Variants in STXBP5 observed in about 807,000 individuals in gnomAD.
STXBP5 encodes the protein syntaxin binding protein 5.
STXBP5 carries 50 observed loss-of-function variants against 152.4 expected under a neutral mutation model. The observed-to-expected ratio is 0.33, with a 90% CI of 0.26 to 0.42. The LOEUF is 0.42. Ranked by LOEUF, STXBP5 falls within the 10% of genes least tolerant of loss-of-function variation. The pLI, the probability that STXBP5 is intolerant of heterozygous loss-of-function variation, is 1.00. For missense variants in STXBP5, 1,167 were observed against 1,388.6 expected, an observed-to-expected ratio of 0.84 and a Z score of 2.54; for synonymous variants, 492 against 494.7, an observed-to-expected ratio of 0.99 and a Z score of 0.07.
At chr6:147,247,883 G>A (rs557599189) in intron 4 of STXBP5, among the ~76,000 whole-genome samples, 13 of 152,226 alleles carry the variant, frequency 8.5e-5, no homozygotes, top group Admixed American at 2.0e-4. Flanking sequence ...TTCCAAAAGG[G>A]CCTTACAATG....
At chr6:147,344,865 G>C (rs1784252545) in intron 21 of STXBP5, among the ~76,000 whole-genome samples, 1 of 152,160 alleles carries the variant, frequency 6.6e-6, no homozygotes, top group African/African-American at 2.4e-5. Context: ...GTTGCAAAGA[G>C]TTTAATTATG....
chr6:147,344,221 G>A (rs905635948), intron 21 of STXBP5, among the ~76,000 whole-genome samples: 1 of 151,994 alleles, frequency 6.6e-6, no homozygotes, highest in Admixed American at 6.6e-5. Flanking sequence ...TCATATTCCT[G>A]TACTTACTGT....
At chr6:147,345,457 A>G (rs531950991) in intron 21 of STXBP5, among the ~76,000 whole-genome samples, 2 of 152,264 alleles carry the variant, frequency 1.3e-5, no homozygotes, top group East Asian at 1.9e-4. Context: ...TTCCTTTACT[A>G]TCTCAGTTGT....
chr6:147,271,693 G>A (rs1047158778), intron 7 of STXBP5, among the ~76,000 whole-genome samples: 14 of 152,102 alleles, frequency 9.2e-5, no homozygotes, highest in Non-Finnish European at 1.2e-4. Context: ...GGTTTCAAGC[G>A]AGTGGCCTCA....
chr6:147,254,588 A>G (rs1196726227), intron 4 of STXBP5, among the ~76,000 whole-genome samples: 4 of 152,176 alleles, frequency 2.6e-5, no homozygotes, highest in Non-Finnish European at 4.4e-5. Context: ...AACTTAAACA[A>G]ATTTACAAGA....
intron 7 of STXBP5, among the ~76,000 whole-genome samples, chr6:147,269,391 A>G (rs1780046060): frequency 6.6e-6 from 1 of 152,218 alleles, no homozygotes. Context: ...ACGTAACTAC[A>G]TCCTAGGAAA....
intron 2 of STXBP5, among the ~76,000 whole-genome samples, chr6:147,234,188 A>G (rs1250785124): frequency 6.6e-6 from 1 of 151,846 alleles, no homozygotes; most frequent in Non-Finnish European, 1.5e-5. Flanking sequence ...AATTTTATTA[A>G]ATCCCACCAA....
In STXBP5 at chr6:147,352,174, G is replaced by A. The variant is rs1034868495; in HGVS notation, c.2255-1149G>A. Among the ~76,000 whole-genome samples the A allele has an allele frequency of 1.1e-4, 17 of 152,282 alleles. No homozygotes were observed. In the East Asian group the frequency reaches 3.1e-3, roughly 28 times the overall value. ...AAAATGACTGTGGTTTGCATCTTAT[G>A]TAAATACCGTAGTTTTAGATTATGC... On this transcript the variant is annotated intron_variant, in intron 21 of 27. Coordinates refer to ENST00000321680, the MANE Select transcript of STXBP5 (RefSeq NM_001127715.4).
intron 26 of STXBP5, among the ~76,000 whole-genome samples, chr6:147,375,163 A>G (rs913821678): frequency 3.3e-5 from 5 of 152,206 alleles, no homozygotes; most frequent in African/African-American, 1.2e-4. Context: ...ATAACCAGGA[A>G]CATTAGGAAT....
intron 23 of STXBP5, among the ~76,000 whole-genome samples, chr6:147,359,617 C>T (rs1038412099): frequency 8.4e-6 from 1 of 118,682 alleles, no homozygotes; most frequent in Non-Finnish European, 1.7e-5. Flanking sequence ...CCCCTCCCCC[C>T]ACCCCACAAC....
intron 2 of STXBP5, among the ~76,000 whole-genome samples, chr6:147,231,192 G>GT (rs375656750): frequency 8.0e-5 from 12 of 150,656 alleles, no homozygotes; most frequent in South Asian, 2.1e-4. Flanking sequence ...GTTTTATCAT[G>GT]TTTTTTTTTC....
intron 3 of STXBP5, among the ~76,000 whole-genome samples, chr6:147,236,749 A>G (rs1407356694): frequency 2.0e-5 from 3 of 151,068 alleles, no homozygotes; most frequent in Non-Finnish European, 4.4e-5. Context: ...GCTCACCCTC[A>G]GTCCCTGGCA....
Position 147,239,158 on chromosome 6 carries a change from T to A in STXBP5, c.331-12T>A, listed in dbSNP as rs769782291. On this transcript the variant is annotated splice_polypyrimidine_tract_variant and intron_variant, in intron 3 of 27. Coordinates refer to ENST00000321680, the MANE Select transcript of STXBP5 (RefSeq NM_001127715.4). ...ATATTATACATGAAATGTGTTATAC[T>A]TGATTTTTAAGGGAGCGCTTGTGAG... The A allele has an allele frequency of 4.3e-6, 7 of 1,609,680 alleles. No homozygotes were observed. The highest frequency in any genetic ancestry group is 8.5e-7 in the Non-Finnish European group (1 of 1,177,526).
intron 23 of STXBP5, among the ~76,000 whole-genome samples, chr6:147,360,728 A>G (rs1785027411): frequency 6.6e-6 from 1 of 152,338 alleles, no homozygotes; most frequent in East Asian, 1.9e-4. Flanking sequence ...TTTAAAAAAT[A>G]GTACTAGACT....
chr6:147,339,123 C>G, intron 19 of STXBP5, 56 bp from the exon 20 acceptor site: 1 of 1,378,656 alleles, frequency 7.3e-7, no homozygotes, highest in Non-Finnish European at 9.8e-7. Context: ...CTTGTTACAG[C>G]TCAGTATTTA....
At chr6:147,326,157 GTCT>G (rs919747274) in intron 17 of STXBP5, among the ~76,000 whole-genome samples, 1 of 152,252 alleles carries the variant, frequency 6.6e-6, no homozygotes, top group Admixed American at 6.5e-5. Context: ...GTCTGAGATA[GTCT>G]TCTTTCATAT....
Position 147,310,080 on chromosome 6 carries a change from C to G in STXBP5, c.918-4C>G. The G allele has an allele frequency of 6.6e-7, 1 of 1,516,590 alleles. No homozygotes were observed. The highest frequency in any genetic ancestry group is 8.8e-7 in the Non-Finnish European group (1 of 1,135,426). The allele number at this position is 1,516,590 out of a possible 1,614,324, so 93.9% of individuals were successfully genotyped here. A position where few individuals can be genotyped will look rare whatever the true frequency, so the allele number is the denominator to read the frequency against. On this transcript the variant is annotated splice_polypyrimidine_tract_variant and splice_region_variant and intron_variant, in intron 9 of 27. Coordinates refer to ENST00000321680, the MANE Select transcript of STXBP5 (RefSeq NM_001127715.4). ...AATAATCTTAATATGTATTTTATTTCCAGGGAGCCTTTTATTATTTTATCA... is the reference window on the plus strand; with the variant it reads ...AATAATCTTAATATGTATTTTATTTGCAGGGAGCCTTTTATTATTTTATCA...
intron 8 of STXBP5, among the ~76,000 whole-genome samples, chr6:147,280,655 G>A (rs1780659094): frequency 6.6e-6 from 1 of 152,022 alleles, no homozygotes; most frequent in Non-Finnish European, 1.5e-5. Context: ...TTGTCTAGCT[G>A]GTCTTAATCT....
Position 147,301,968 on chromosome 6 carries a change from A to T in STXBP5, c.918-8116A>T, listed in dbSNP as rs184314221. On this transcript the variant is annotated intron_variant, in intron 9 of 27. Transcript: ENST00000321680. ...TGTTATAATCCCGTATTGCCAGAAA[A>T]TTATGTCTACTAGATTGATAACTCT... Among the ~76,000 whole-genome samples the T allele has an allele frequency of 6.8e-4, 104 of 152,260 alleles. 1 individual carries two copies. The highest frequency in any genetic ancestry group is 6.8e-3 in the Middle Eastern group (2 of 294).
Sources: allele counts gnomAD v4.1 joint callset (sites outside exome capture counted in the v4.1 genomes callset), GRCh38; gene constraint gnomAD v4.1.1; transcripts MANE v1.5; gene names NCBI Gene and HGNC (gene_info 2026-07-23, HGNC 2026-07-21).